KIF13A: variants seen among roughly 807,000 people sequenced by gnomAD.
KIF13A encodes the protein kinesin family member 13A, also known as kinesin-like protein KIF13A.
A neutral mutation model predicts 212.2 loss-of-function variants in KIF13A; 79 were observed. That is an observed-to-expected ratio of 0.37 (90% CI 0.31 to 0.45). The LOEUF (loss-of-function observed/expected upper bound fraction) is 0.45. Ranked by LOEUF, KIF13A falls within the 20% of genes least tolerant of loss-of-function variation. The probability of loss-of-function intolerance (pLI) is 1.00; values close to 1 mark genes in which losing one functional copy is unlikely to be tolerated. For synonymous variants in KIF13A, 789 were observed against 808.6 expected (o/e 0.98, Z 0.41); for missense variants, 1,901 against 2,209.0 (o/e 0.86, Z 2.79).
intron 3 of KIF13A, among the ~76,000 whole-genome samples, chr6:17,878,489 C>A (rs1304428216): frequency 6.7e-6 from 1 of 149,194 alleles, no homozygotes; most frequent in Non-Finnish European, 1.5e-5. Context: ...GTTGTGTTGC[C>A]AAGGCTGGTC....
In KIF13A at chr6:17,934,713, A is replaced by C. The variant is rs1371202621; in HGVS notation, c.147-36533T>G. Among the ~76,000 whole-genome samples the C allele has an allele frequency of 6.6e-6, 1 of 151,802 alleles. No homozygotes were observed. The highest frequency in any genetic ancestry group is 1.5e-5 in the Non-Finnish European group (1 of 67,936). On this transcript the variant is annotated intron_variant, in intron 2 of 38. Coordinates refer to ENST00000259711, the MANE Select transcript of KIF13A (RefSeq NM_022113.6). The surrounding 1 kb of genome is among the most constrained non-coding windows in gnomAD (Gnocchi z 5.4). ...CGAGGTGGGAGGATCGCTTGAGCCC[A>C]GGAGGTAGAGGCTGTGGTGAGCCAT...
Position 17,892,389 on chromosome 6 carries a change from C to T in KIF13A, c.159+5779G>A, listed in dbSNP as rs1006819783. ...GTATTTTACTGAATACTACCACTAG[C>T]CTCCCTACTGATCAAGCTTTGTTCA... On this transcript the variant is annotated intron_variant, in intron 3 of 38. Transcript: ENST00000259711. The surrounding 1 kb of genome is among the most constrained non-coding windows in gnomAD (Gnocchi z 4.7). Among the ~76,000 whole-genome samples the T allele has an allele frequency of 1.3e-5, 2 of 152,186 alleles. No individual in the cohort carries two copies. Among genetic ancestry groups the T allele is most frequent in the Non-Finnish European group, 2.9e-5 (2 of 68,040 alleles).
chr6:17,889,381 A>C (rs1357718196), intron 3 of KIF13A, among the ~76,000 whole-genome samples: 1 of 152,208 alleles, frequency 6.6e-6, no homozygotes, highest in African/African-American at 2.4e-5. Context: ...CCTAACTCAT[A>C]AATAAAACAA....
At chr6:17,830,756 C>G (rs1765375445) in intron 13 of KIF13A, among the ~76,000 whole-genome samples, 1 of 152,188 alleles carries the variant, frequency 6.6e-6, no homozygotes. Flanking sequence ...ACCTCCAGAG[C>G]TTCTCAGGAG....
Position 17,764,206 on chromosome 6 carries a change from G to A in KIF13A, c.5322C>T (p.Ser1774=), listed in dbSNP as rs775477632. ...GCTGGCTGGGGTGGTGGAGCCCATC[G>A]GAGACAGTCTTGCCGCCTGTTTTAT... ...LPNKTGGKTV[S]DGLHHPSQLH... The change falls in exon 39 of 39, where the codon TCC becomes TCT. Residue 1774 remains serine (S), a synonymous_variant. Transcript: ENST00000259711. The surrounding 1 kb of genome is among the most constrained non-coding windows in gnomAD (Gnocchi z 5.1). The A allele has an allele frequency of 4.5e-5, 72 of 1,613,874 alleles. No homozygotes were observed. In the East Asian group the frequency reaches 6.9e-4, roughly 15 times the overall value.
intron 2 of KIF13A, among the ~76,000 whole-genome samples, chr6:17,979,165 C>T (rs886556589): frequency 2.0e-5 from 3 of 152,122 alleles, no homozygotes; most frequent in Non-Finnish European, 4.4e-5. Flanking sequence ...TGGTGGTGCA[C>T]ACCTGTAGTC....
intron 4 of KIF13A, among the ~76,000 whole-genome samples, chr6:17,859,874 A>G (rs1768568972): frequency 6.6e-6 from 1 of 151,410 alleles, no homozygotes; most frequent in South Asian, 2.1e-4. Context: ...TGACCTCGTG[A>G]TCCACCCGCC....
chr6:17,801,008 A>G (rs1259081146), intron 20 of KIF13A, among the ~76,000 whole-genome samples: 1 of 152,018 alleles, frequency 6.6e-6, no homozygotes, highest in Non-Finnish European at 1.5e-5. Context: ...CTGGGATTAT[A>G]GGTGTGAGCC....
intron 2 of KIF13A, among the ~76,000 whole-genome samples, chr6:17,960,630 C>G (rs371943151): frequency 3.3e-5 from 5 of 152,086 alleles, no homozygotes; most frequent in Non-Finnish European, 1.5e-5. Flanking sequence ...GGGGATATAT[C>G]GAGAGCATCA....
Position 17,817,022 on chromosome 6 carries a change from C to T in KIF13A, c.1998G>A (p.Glu666=). 1 of 1,609,828 alleles carries T rather than the reference C, an allele frequency of 6.2e-7. No individual in the cohort carries two copies. The highest frequency in any genetic ancestry group is 1.1e-5 in the South Asian group (1 of 90,694). ...GCTGCCCCCGCTGCAGTTCTTACCT[C>T]TCTTCTGCCCACTGGGTCACCTTCT... ...AQQKVTQWAE[E]RDELFRQSLA... The change falls in exon 17 of 39, where the codon GAG becomes GAA. Residue 666 remains glutamate (E), a splice_region_variant and synonymous_variant. Transcript: ENST00000259711.
intron 2 of KIF13A, among the ~76,000 whole-genome samples, chr6:17,980,833 T>C (rs538165730): frequency 1.6e-4 from 24 of 152,166 alleles, no homozygotes; most frequent in South Asian, 1.0e-3. Context: ...AATTACTATA[T>C]TGGGAAAATA....
rs767983765 is a variant in KIF13A, at chr6:17,780,740, T to C, written c.3836A>G (p.Tyr1279Cys). The C allele has an allele frequency of 1.2e-6, 2 of 1,613,882 alleles. No individual in the cohort carries two copies. The highest frequency in any genetic ancestry group is 1.3e-5 in the African/African-American group (1 of 75,070). ...AGGCCCCGTTATTACCTGTTTGTTG[T>C]AAATATTGGCTGCAATTCGTTTTCG... Reference protein sequence around the residue: ...VLRKRIAANIYNKQSFTQSLK... With the variant: ...VLRKRIAANICNKQSFTQSLK... The change falls in exon 31 of 39, where the codon TAC becomes TGC. Residue 1279 changes from tyrosine (Y) to cysteine (C), a missense_variant. Tyr to Cys is a radical substitution (Grantham distance 194, BLOSUM62 -2). Around this residue, in one of 5 missense-constraint regions of KIF13A, gnomAD observed 687 missense variants for 759.1 expected, o/e 0.90. Transcript: ENST00000259711.
intron 25 of KIF13A, among the ~76,000 whole-genome samples, chr6:17,792,755 C>T (rs1295602272): frequency 6.6e-6 from 1 of 152,206 alleles, no homozygotes; most frequent in African/African-American, 2.4e-5. Context: ...AGGCAGGCAG[C>T]ATCTGACAAA....
intron 2 of KIF13A, among the ~76,000 whole-genome samples, chr6:17,983,407 AG>A (rs1248387821): frequency 6.6e-6 from 1 of 151,498 alleles, no homozygotes; most frequent in African/African-American, 2.4e-5. Context: ...TTAGCAAGTT[AG>A]GGATTCTCAT....
chr6:17,975,569 A>G (rs1199077137), intron 2 of KIF13A, among the ~76,000 whole-genome samples: 1 of 152,202 alleles, frequency 6.6e-6, no homozygotes, highest in Non-Finnish European at 1.5e-5. Flanking sequence ...TCCAGTACAG[A>G]ACAAAACGCG....
chr6:17,808,106 G>A (rs1763129917), intron 18 of KIF13A, among the ~76,000 whole-genome samples: 2 of 152,178 alleles, frequency 1.3e-5, no homozygotes, highest in African/African-American at 2.4e-5. Flanking sequence ...ACCATAGCAG[G>A]CTGGGCACAG....
intron 4 of KIF13A, among the ~76,000 whole-genome samples, chr6:17,863,764 G>A (rs1769083642): frequency 6.6e-6 from 1 of 152,122 alleles, no homozygotes; most frequent in Non-Finnish European, 1.5e-5. Flanking sequence ...AGAGACCCTA[G>A]TTTATCCAAA....
intron 2 of KIF13A, among the ~76,000 whole-genome samples, chr6:17,976,387 A>G (rs1780485092): frequency 6.6e-6 from 1 of 152,196 alleles, no homozygotes; most frequent in African/African-American, 2.4e-5. Flanking sequence ...GTGGGCCGGC[A>G]CTGCTGGGGG....
intron 2 of KIF13A, among the ~76,000 whole-genome samples, chr6:17,955,318 A>G (rs1388270017): frequency 8.6e-5 from 8 of 93,478 alleles, no homozygotes; most frequent in Non-Finnish European, 4.3e-5. Flanking sequence ...TGATTTAAAT[A>G]TAACAATAAC....
Sources: allele counts gnomAD v4.1 joint callset (sites outside exome capture counted in the v4.1 genomes callset), GRCh38; gene constraint gnomAD v4.1.1; regional missense constraint gnomAD v4.1.1; non-coding constraint Gnocchi (gnomAD v3.1); transcripts MANE v1.5; gene names NCBI Gene and HGNC (gene_info 2026-07-23, HGNC 2026-07-21).